SHC4: variants seen among roughly 807,000 people sequenced by gnomAD.
SHC4 encodes SHC-transforming protein 4.
SHC4 carries 41 observed loss-of-function variants against 69.4 expected under a neutral mutation model. The observed-to-expected ratio is 0.59, with a 90% confidence interval of 0.46 to 0.77. SHC4 has a LOEUF of 0.77. Ranked by LOEUF, SHC4 falls within the 30% of genes least tolerant of loss-of-function variation. The pLI, the probability that SHC4 is intolerant of heterozygous loss-of-function variation, is 0.00. For synonymous variants in SHC4, 318 were observed against 299.3 expected (o/e 1.06, Z -0.64); for missense variants, 777 against 783.8 (o/e 0.99, Z 0.10).
rs188559748 is a variant in SHC4, at chr15:48,857,645, C to T, written c.1070+47G>A. 7 of 1,448,096 alleles carry T rather than the reference C, an allele frequency of 4.8e-6. No homozygotes were observed. The East Asian group carries it at 1.5e-4, about 30-fold the overall frequency. The allele number at this position is 1,448,096 out of a possible 1,614,324, so 89.7% of individuals were successfully genotyped here. A position where few individuals can be genotyped will look rare whatever the true frequency, so the allele number is the denominator to read the frequency against. ...ACAAATAAATACATACAGATAAATG[C>T]ACACATATATATATATTGTCAAATT... is the stretch of plus-strand genomic sequence containing the variant. On this transcript the variant is annotated intron_variant, in intron 7 of 11. Transcript: ENST00000332408.
intron 2 of SHC4, among the ~76,000 whole-genome samples, chr15:48,913,809 G>T (rs1372634137): frequency 6.6e-6 from 1 of 152,164 alleles, no homozygotes; most frequent in Admixed American, 6.5e-5. Flanking sequence ...ATTTCGTTCA[G>T]CTCTCCAAAT....
chr15:48,902,755 T>G (rs921776063), intron 2 of SHC4, among the ~76,000 whole-genome samples: 4 of 152,176 alleles, frequency 2.6e-5, no homozygotes, highest in Non-Finnish European at 4.4e-5. Flanking sequence ...GCTCCAGAAC[T>G]GCCCATGGAG....
At chr15:48,852,663 AG>A (rs1253304110) in intron 8 of SHC4, among the ~76,000 whole-genome samples, 1 of 152,126 alleles carries the variant, frequency 6.6e-6, no homozygotes, top group Non-Finnish European at 1.5e-5. Context: ...GCAATTTTGG[AG>A]GCCAAGGTGG....
chr15:48,861,727 T>C (rs1899447370), intron 6 of SHC4, among the ~76,000 whole-genome samples: 1 of 152,138 alleles, frequency 6.6e-6, no homozygotes, highest in Non-Finnish European at 1.5e-5. Context: ...ATTTTTTTCA[T>C]CCCACCTGTA....
chr15:48,884,203 G>GA, intron 4 of SHC4, 45 bp downstream of exon 4: 2 of 1,550,160 alleles, frequency 1.3e-6, no homozygotes, highest in Non-Finnish European at 1.7e-6. Context: ...ACGCTTCTCT[G>GA]AAAAAATAGA....
At position 48,843,552 on chromosome 15, in the gene SHC4, T is replaced by C. The variant is rs17856992; in HGVS notation, c.1340A>G (p.Asp447Gly). Residue 447 changes from aspartate (D) to glycine (G), a missense_variant, in exon 10 of 12, where the codon GAT becomes GGT. By Grantham distance (94) the Asp-to-Gly change is moderately conservative (BLOSUM62 -1). Transcript: ENST00000332408. ...GCACGTGTGCTTCAATAATGAGGTA[T>C]CTCGCTGGGACTGCACCCCTCTTGG... Reference protein sequence around the residue: ...VHPRGVQSQRDTSLLKHTCRV... With the variant: ...VHPRGVQSQRGTSLLKHTCRV... The C allele has an allele frequency of 6.2e-7, 1 of 1,614,192 alleles. No individual in the cohort carries two copies. Among genetic ancestry groups the C allele is most frequent in the Non-Finnish European group, 8.5e-7 (1 of 1,180,008 alleles).
intron 2 of SHC4, among the ~76,000 whole-genome samples, chr15:48,905,901 T>C (rs1273405093): frequency 6.6e-6 from 1 of 152,236 alleles, no homozygotes; most frequent in Non-Finnish European, 1.5e-5. Context: ...TTTATATGGA[T>C]AAATTAGCAG....
intron 11 of SHC4, 126 bp from the exon 12 acceptor site, chr15:48,826,252 A>ATT: frequency 1.2e-6 from 1 of 855,122 alleles, no homozygotes. Flanking sequence ...AAGAAAAGGT[A>ATT]CTTTTTTTTT....
intron 2 of SHC4, among the ~76,000 whole-genome samples, chr15:48,908,896 C>T (rs966175804): frequency 1.3e-5 from 2 of 152,088 alleles, no homozygotes; most frequent in African/African-American, 2.4e-5. Flanking sequence ...TATTCTGTTC[C>T]GTTGGTGTAT....
chr15:48,895,894 C>T (rs1427707834), intron 2 of SHC4, among the ~76,000 whole-genome samples: 1 of 152,106 alleles, frequency 6.6e-6, no homozygotes, highest in Non-Finnish European at 1.5e-5. Flanking sequence ...ACCAACTGGA[C>T]AACATGGTGA....
chr15:48,824,578 C>T lies in SHC4; in HGVS notation c.*1393G>A, dbSNP rs563940686. ...GTCTAAACTATGTGAATGTTGATCTCAGGTGTGCCATTCATTCTGTGAGTA... is the reference window on the plus strand; with the variant it reads ...GTCTAAACTATGTGAATGTTGATCTTAGGTGTGCCATTCATTCTGTGAGTA... On this transcript the variant is annotated 3_prime_UTR_variant, in exon 12 of 12. Coordinates refer to ENST00000332408, the MANE Select transcript of SHC4 (RefSeq NM_203349.4). 6.6e-6 allele frequency: 1 copy of T among 152,310 alleles called. No homozygotes were observed. Among genetic ancestry groups the T allele is most frequent in the African/African-American group, 2.4e-5 (1 of 41,570 alleles). 9.4% of individuals were successfully genotyped at this position (152,310 alleles called of 1,614,324 possible).
chr15:48,956,296 CG>C (rs1334935318), intron 1 of SHC4, among the ~76,000 whole-genome samples: 1 of 152,140 alleles, frequency 6.6e-6, no homozygotes, highest in Non-Finnish European at 1.5e-5. Context: ...GGTACCTGAG[CG>C]ACCCAGGTCT....
intron 2 of SHC4, among the ~76,000 whole-genome samples, chr15:48,914,163 A>G (rs749975186): frequency 6.6e-6 from 1 of 152,232 alleles, no homozygotes; most frequent in Admixed American, 6.5e-5. Context: ...GCCCGGCGCG[A>G]CATTGTGCGT....
chr15:48,936,769 A>G (rs750347498), intron 1 of SHC4, among the ~76,000 whole-genome samples: 2 of 152,190 alleles, frequency 1.3e-5, no homozygotes, highest in South Asian at 2.1e-4. Flanking sequence ...AAATCTTTCA[A>G]TTTCTCTGAA....
intron 5 of SHC4, among the ~76,000 whole-genome samples, chr15:48,870,151 C>A (rs942264304): frequency 6.6e-6 from 1 of 152,204 alleles, no homozygotes; most frequent in Admixed American, 6.5e-5. Flanking sequence ...TACTTTAAAT[C>A]TCTTAAGAAA....
At chr15:48,918,812 C>A (rs1900680135) in intron 2 of SHC4, among the ~76,000 whole-genome samples, 1 of 152,166 alleles carries the variant, frequency 6.6e-6, no homozygotes, top group African/African-American at 2.4e-5. Context: ...TTCTGTTCAG[C>A]AAATTTTGAT....
intron 6 of SHC4, among the ~76,000 whole-genome samples, chr15:48,859,743 G>T (rs1777628195): frequency 6.6e-6 from 1 of 152,272 alleles, no homozygotes; most frequent in Non-Finnish European, 1.5e-5. Flanking sequence ...TGTTCTTATA[G>T]CTACTAGGTG....
At chr15:48,876,833 C>A in intron 4 of SHC4, 4 of 322,764 alleles carry the variant, frequency 1.2e-5, no homozygotes, top group Non-Finnish European at 2.4e-5. Flanking sequence ...TTTGGCAACA[C>A]CCTCACAGAC....
At chr15:48,874,535 A>G (rs1899756326) in intron 4 of SHC4, among the ~76,000 whole-genome samples, 1 of 152,200 alleles carries the variant, frequency 6.6e-6, no homozygotes, top group African/African-American at 2.4e-5. Context: ...AGATTCTCAT[A>G]GGAGAATGAA....
Sources: allele counts gnomAD v4.1 joint callset (sites outside exome capture counted in the v4.1 genomes callset), GRCh38; gene constraint gnomAD v4.1.1; transcripts MANE v1.5; gene names NCBI Gene and HGNC (gene_info 2026-07-23, HGNC 2026-07-21).